The following NSUN3 variants were observed in gnomAD, a reference collection of about 807,000 sequenced individuals.
The protein encoded by NSUN3 is tRNA (cytosine(34)-C(5))-methyltransferase, mitochondrial.
In NSUN3, 24 loss-of-function variants were observed where a neutral mutation model predicts 36.8. The observed-to-expected ratio is 0.65, with a 90% CI of 0.47 to 0.92. NSUN3 has a LOEUF of 0.92. Among genes scored for constraint, NSUN3 ranks in the 40% least tolerant of loss-of-function variants. NSUN3 has a pLI of 0.00. For missense variants in NSUN3, 381 were observed against 392.8 expected, an observed-to-expected ratio of 0.97 and a Z score of 0.25; for synonymous variants, 146 against 145.2, an observed-to-expected ratio of 1.01 and a Z score of -0.04.
chr3:94,082,581 T>G (rs1412482369), intron 2 of NSUN3, among the ~76,000 whole-genome samples: 1 of 152,186 alleles, frequency 6.6e-6, no homozygotes, highest in Non-Finnish European at 1.5e-5. Context: ...TACATTTCAA[T>G]CCACCCATTC....
At chr3:94,106,569 A>G (rs1308329483) in intron 5 of NSUN3, among the ~76,000 whole-genome samples, 1 of 152,204 alleles carries the variant, frequency 6.6e-6, no homozygotes, top group African/African-American at 2.4e-5. Context: ...GTACCCTGAA[A>G]CTTAATTTTA....
At chr3:94,125,963 G>A (rs569955724) in intron 5 of NSUN3, among the ~76,000 whole-genome samples, 11 of 152,186 alleles carry the variant, frequency 7.2e-5, no homozygotes, top group African/African-American at 2.4e-4. Context: ...GGGAGGCTGA[G>A]GCAGGAGAAT....
chr3:94,064,608 T>G lies in NSUN3; in HGVS notation c.122+62T>G, dbSNP rs1255090535. On this transcript the variant is annotated intron_variant, in intron 2 of 5. Coordinates refer to ENST00000314622, the MANE Select transcript of NSUN3 (RefSeq NM_022072.5). ...AAAGTACAATATGTAGTCCTCCTTT[T>G]TGTGGGAGGGATGCTGTGAGGTTAA... is the stretch of plus-strand genomic sequence containing the variant. 3.4e-5 allele frequency: 35 copies of G among 1,016,710 alleles called. No individual in the cohort carries two copies. The Admixed American group carries it at 6.8e-4, about 20-fold the overall frequency. The allele number at this position is 1,016,710 out of a possible 1,614,324, so 63.0% of individuals were successfully genotyped here. A position where few individuals can be genotyped will look rare whatever the true frequency, so the allele number is the denominator to read the frequency against.
At chr3:94,125,285 G>C (rs2077480879) in intron 5 of NSUN3, among the ~76,000 whole-genome samples, 1 of 151,896 alleles carries the variant, frequency 6.6e-6, no homozygotes, top group African/African-American at 2.4e-5. Flanking sequence ...GCAATCCTTG[G>C]TTATACATTT....
intron 5 of NSUN3, among the ~76,000 whole-genome samples, chr3:94,119,984 G>A (rs1420139212): frequency 6.6e-6 from 1 of 152,218 alleles, no homozygotes; most frequent in African/African-American, 2.4e-5. Context: ...CGAAATGAAA[G>A]GTAAGCAGAA....
chr3:94,094,947 A>G (rs930311596), intron 4 of NSUN3, 86 bp from the exon 5 acceptor site: 27 of 1,333,420 alleles, frequency 2.0e-5, no homozygotes, highest in Non-Finnish European at 2.7e-5. Flanking sequence ...TTTGTTTACC[A>G]TGTTTTAGAG....
At chr3:94,108,014 T>C (rs2077397815) in intron 5 of NSUN3, among the ~76,000 whole-genome samples, 1 of 142,280 alleles carries the variant, frequency 7.0e-6, no homozygotes, top group Non-Finnish European at 1.5e-5. Context: ...CTGGCCTCTA[T>C]CATTTCCATT....
intron 5 of NSUN3, among the ~76,000 whole-genome samples, chr3:94,104,983 T>G (rs1429358982): frequency 6.6e-6 from 1 of 152,224 alleles, no homozygotes; most frequent in Non-Finnish European, 1.5e-5. Context: ...GAAAAGCTTT[T>G]AATGGATATT....
At chr3:94,094,359 GGTT>G (rs2077328850) in intron 4 of NSUN3, 65 bp downstream of exon 4, 1 of 1,472,556 alleles carries the variant, frequency 6.8e-7, no homozygotes, top group South Asian at 1.3e-5. Context: ...GTTGCTTTGT[GGTT>G]GTTATTTTCC....
At chr3:94,073,126 G>T (rs756804988) in intron 2 of NSUN3, among the ~76,000 whole-genome samples, 3 of 152,134 alleles carry the variant, frequency 2.0e-5, no homozygotes, top group Non-Finnish European at 4.4e-5. Flanking sequence ...CGCGAAGGAC[G>T]TGAACTCATC....
At chr3:94,102,646 A>G (rs2077370822) in intron 5 of NSUN3, among the ~76,000 whole-genome samples, 1 of 152,018 alleles carries the variant, frequency 6.6e-6, no homozygotes, top group African/African-American at 2.4e-5. Flanking sequence ...AAAATGTGCA[A>G]TTTGTTTGCA....
chr3:94,120,496 C>T (rs1206081555), intron 5 of NSUN3, among the ~76,000 whole-genome samples: 1 of 152,146 alleles, frequency 6.6e-6, no homozygotes, highest in African/African-American at 2.4e-5. Context: ...TTCTAGATGC[C>T]TCATATAAGT....
chr3:94,087,877 C>T (rs996029155), intron 3 of NSUN3, among the ~76,000 whole-genome samples: 22 of 152,128 alleles, frequency 1.4e-4, no homozygotes, highest in Non-Finnish European at 2.6e-4. Flanking sequence ...CTATGTTGCC[C>T]AGGCTGGCCT....
chr3:94,107,432 A>T (rs1309131872), intron 5 of NSUN3, among the ~76,000 whole-genome samples: 1 of 151,480 alleles, frequency 6.6e-6, no homozygotes, highest in East Asian at 2.0e-4. Context: ...GGACCACAGC[A>T]TGTGCCACCA....
At chr3:94,085,639 G>A (rs1285339578) in intron 3 of NSUN3, among the ~76,000 whole-genome samples, 1 of 152,094 alleles carries the variant, frequency 6.6e-6, no homozygotes, top group Non-Finnish European at 1.5e-5. Flanking sequence ...CATGTCTGTA[G>A]TCCCAGCTAC....
At chr3:94,077,168 C>G in intron 2 of NSUN3, 1 of 715,544 alleles carries the variant, frequency 1.4e-6, no homozygotes, top group Admixed American at 2.0e-5. Context: ...GCTTCCTTGT[C>G]AGTCATGGAG....
intron 1 of NSUN3, 140 bp downstream of exon 1, chr3:94,063,278 A>C: frequency 2.3e-6 from 2 of 879,706 alleles, no homozygotes; most frequent in South Asian, 2.7e-5. Context: ...CTTTGGCTTT[A>C]CTGTCAAGCC....
chr3:94,064,924 A>G (rs1301219501), intron 2 of NSUN3, among the ~76,000 whole-genome samples: 1 of 152,236 alleles, frequency 6.6e-6, no homozygotes, highest in Non-Finnish European at 1.5e-5. Context: ...CTTTAAAGCC[A>G]GCACTGCTTT....
chr3:94,084,692 A>T (rs1006700864), intron 3 of NSUN3: 6 of 409,530 alleles, frequency 1.5e-5, no homozygotes, highest in African/African-American at 4.0e-5. Context: ...CGCAAATACA[A>T]ATCTGTCAGA....
Sources: allele counts gnomAD v4.1 joint callset (sites outside exome capture counted in the v4.1 genomes callset), GRCh38; gene constraint gnomAD v4.1.1; transcripts MANE v1.5; gene names NCBI Gene and HGNC (gene_info 2026-07-23, HGNC 2026-07-21).